PNPT1: variants seen among roughly 807,000 people sequenced by gnomAD.
PNPT1 encodes the protein polyribonucleotide nucleotidyltransferase 1, also known as polyribonucleotide nucleotidyltransferase 1, mitochondrial.
In PNPT1, 53 loss-of-function variants were observed where a neutral mutation model predicts 119.5. The ratio of observed to expected loss-of-function variants is 0.44; its 90% CI spans 0.36 to 0.56. The LOEUF is 0.56. PNPT1 is among the 20% of genes least tolerant of loss of function. PNPT1 has a pLI of 0.00. For synonymous variants in PNPT1, 357 were observed against 322.1 expected, an observed-to-expected ratio of 1.11 and a Z score of -1.16; for missense variants, 948 against 938.5, an observed-to-expected ratio of 1.01 and a Z score of -0.13.
Position 55,680,856 on chromosome 2 carries a change from G to A in PNPT1, c.516C>T (p.Gly172=), listed in dbSNP as rs372627112. The A allele has an allele frequency of 1.1e-4, 180 of 1,613,274 alleles. No individual in the cohort carries two copies. The highest frequency in any genetic ancestry group is 1.3e-4 in the Non-Finnish European group (154 of 1,179,546). ...TTTAATCTCTACTTTTATACTTACC[G>A]CCATTAATTGCTAGGACATCAGGCT... The part of the protein sequence containing the change: ...VNEPDVLAIN[G]ASVALSLSDI... The change falls in exon 6 of 28, where the codon GGC becomes GGT. Residue 172 remains glycine (G), a splice_region_variant and synonymous_variant. Coordinates refer to ENST00000447944, the MANE Select transcript of PNPT1 (RefSeq NM_033109.5).
At chr2:55,690,605 A>T (rs913274849) in intron 1 of PNPT1, among the ~76,000 whole-genome samples, 1 of 152,248 alleles carries the variant, frequency 6.6e-6, no homozygotes, top group South Asian at 2.1e-4. Flanking sequence ...CATTTTGTTA[A>T]GTTTGAAAGT....
At chr2:55,655,291 G>A (rs1485430674) in intron 17 of PNPT1, among the ~76,000 whole-genome samples, 2 of 151,856 alleles carry the variant, frequency 1.3e-5, no homozygotes, top group Admixed American at 6.6e-5. Flanking sequence ...CTGCCACCAC[G>A]CCCAGCTAAT....
chr2:55,660,073 C>T, intron 15 of PNPT1, 84 bp downstream of exon 15: 2 of 1,363,084 alleles, frequency 1.5e-6, no homozygotes, highest in Non-Finnish European at 2.0e-6. Flanking sequence ...CACTCCACTC[C>T]AGCCTGGACA....
chr2:55,692,210 T>C (rs747597807), intron 1 of PNPT1, among the ~76,000 whole-genome samples: 3 of 152,018 alleles, frequency 2.0e-5, no homozygotes, highest in Non-Finnish European at 4.4e-5. Context: ...TCTAAAGGGT[T>C]TGTAAACACA....
chr2:55,692,939 G>C (rs1276385087), intron 1 of PNPT1, among the ~76,000 whole-genome samples: 2 of 151,916 alleles, frequency 1.3e-5, no homozygotes, highest in Non-Finnish European at 2.9e-5. Context: ...GTTTCTCTCT[G>C]TGTGTCTCCT....
chr2:55,682,247 C>T (rs1346946854), intron 5 of PNPT1, among the ~76,000 whole-genome samples: 1 of 152,052 alleles, frequency 6.6e-6, no homozygotes, highest in East Asian at 1.9e-4. Context: ...CACTTGAGGT[C>T]ACGAGTTCAA....
At chr2:55,672,819 T>C in intron 9 of PNPT1, 74 bp downstream of exon 9, 3 of 1,391,194 alleles carry the variant, frequency 2.2e-6, no homozygotes, top group South Asian at 2.8e-5. Context: ...AGTGCTTCCA[T>C]GGGAAGTTTC....
chr2:55,640,958 G>A (rs977379694), intron 25 of PNPT1, among the ~76,000 whole-genome samples: 4 of 152,104 alleles, frequency 2.6e-5, no homozygotes, highest in African/African-American at 9.7e-5. Context: ...AGGTGCGGTG[G>A]CTCACACCTG....
chr2:55,676,411 A>C (rs551063874), intron 8 of PNPT1, among the ~76,000 whole-genome samples: 2 of 152,280 alleles, frequency 1.3e-5, no homozygotes, highest in Non-Finnish European at 2.9e-5. Flanking sequence ...CTTTTTCCTG[A>C]CCGATATCTT....
intron 13 of PNPT1, among the ~76,000 whole-genome samples, 196 bp downstream of exon 13, chr2:55,666,795 T>C (rs1256779141): frequency 6.6e-6 from 1 of 152,232 alleles, no homozygotes; most frequent in Non-Finnish European, 1.5e-5. Flanking sequence ...TGAGCTATGA[T>C]TGTGCCACTG....
chr2:55,679,715 A>C lies in PNPT1; in HGVS notation c.646T>G (p.Leu216Val), dbSNP rs764539958. 1 of 1,611,812 alleles carries C rather than the reference A, an allele frequency of 6.2e-7. No homozygotes were observed. Among genetic ancestry groups the C allele is most frequent in the East Asian group, 2.2e-5 (1 of 44,776 alleles). Residue 216 changes from leucine (L) to valine (V), a missense_variant, in exon 8 of 28, where the codon TTA (leucine) becomes GTA (valine). Physicochemically the swap from Leu to Val is conservative, Grantham distance 32. Coordinates refer to ENST00000447944, the MANE Select transcript of PNPT1 (RefSeq NM_033109.5). ...RKEMSSSTLN[L>V]VVAGAPKSQI... ...CTTTTAGGTGCTCCAGCAACCACTAAATTTAAAGTACTAGAAGACATTTCT... is the reference window on the plus strand; with the variant it reads ...CTTTTAGGTGCTCCAGCAACCACTACATTTAAAGTACTAGAAGACATTTCT...
chr2:55,650,744 C>G (rs373698286), intron 18 of PNPT1, among the ~76,000 whole-genome samples: 1 of 147,008 alleles, frequency 6.8e-6, no homozygotes, highest in Admixed American at 6.8e-5. Context: ...GGAGACCCTC[C>G]GCCCGGCAAC....
chr2:55,663,349 G>C (rs990659626), intron 13 of PNPT1, among the ~76,000 whole-genome samples: 2 of 152,260 alleles, frequency 1.3e-5, no homozygotes, highest in Non-Finnish European at 2.9e-5. Context: ...GCAGAAGAGA[G>C]GAAAGAGAAC....
intron 8 of PNPT1, among the ~76,000 whole-genome samples, chr2:55,678,512 C>T (rs934633426): frequency 1.3e-5 from 2 of 152,222 alleles, no homozygotes; most frequent in Admixed American, 6.5e-5. Context: ...TCAACTGCCA[C>T]ACACCTTTTT....
intron 23 of PNPT1, among the ~76,000 whole-genome samples, chr2:55,644,274 TTTA>T (rs1477419523): frequency 2.6e-5 from 4 of 152,062 alleles, no homozygotes; most frequent in African/African-American, 9.7e-5. Context: ...TTATATACTC[TTTA>T]AATAAAAGAG....
In PNPT1 at chr2:55,693,680, G is replaced by C. The variant is rs1479792158; in HGVS notation, c.144C>G (p.Ala48=). Residue 48 remains alanine, a synonymous_variant, in exon 1 of 28, where the codon GCC becomes GCG. Coordinates refer to ENST00000447944, the MANE Select transcript of PNPT1 (RefSeq NM_033109.5). ...LWSSAGSRAV[A]VDLGNRKLEI... is the part of the protein sequence containing the mutation. ...CTCCTTACCTGTTGCCTAAGTCCAC[G>C]GCCACAGCTCGAGACCCTGCGCTAC... is the stretch of plus-strand genomic sequence containing the variant. 1 of 1,614,180 alleles carries C rather than the reference G, an allele frequency of 6.2e-7. No homozygotes were observed. Among genetic ancestry groups the C allele is most frequent in the Admixed American group, 1.7e-5 (1 of 60,024 alleles).
At chr2:55,658,789 T>C (rs1696470857) in intron 15 of PNPT1, among the ~76,000 whole-genome samples, 2 of 152,192 alleles carry the variant, frequency 1.3e-5, no homozygotes, top group African/African-American at 2.4e-5. Context: ...TGTATGAATC[T>C]TGATGTTTAT....
chr2:55,659,715 A>T (rs1427727627), intron 15 of PNPT1, among the ~76,000 whole-genome samples: 2 of 152,132 alleles, frequency 1.3e-5, no homozygotes, highest in Non-Finnish European at 2.9e-5. Context: ...TCTACTTATC[A>T]TTCTACACAA....
Position 55,671,992 on chromosome 2 carries a change from T to C in PNPT1, c.918+3A>G, listed in dbSNP as rs1696930139. ...ATGGAAGACAAAACTCAGGTATACC[T>C]ACTTTGTCATGCTCGTAATCTGTAA... is the stretch of plus-strand genomic sequence containing the variant. On this transcript the variant is annotated splice_donor_region_variant and intron_variant, in intron 10 of 27. Transcript: ENST00000447944. 1.3e-6 allele frequency: 2 copies of C among 1,593,370 alleles called. No homozygotes were observed. The highest frequency in any genetic ancestry group is 1.7e-6 in the Non-Finnish European group (2 of 1,169,850).
Sources: gnomAD v4.1 joint callset for allele counts (sites outside exome capture counted in the v4.1 genomes callset) on GRCh38, gnomAD v4.1.1 for gene constraint, MANE v1.5 for transcripts, NCBI Gene and HGNC (gene_info 2026-07-23, HGNC 2026-07-21) for gene names.